ANKS1B: variants seen among roughly 807,000 people sequenced by gnomAD.
The protein encoded by ANKS1B is ankyrin repeat and sterile alpha motif domain-containing protein 1B.
A neutral mutation model predicts 148.3 loss-of-function variants in ANKS1B; 36 were observed. That is an observed-to-expected ratio of 0.24 (90% CI 0.19 to 0.32). The LOEUF (loss-of-function observed/expected upper bound fraction) is 0.32. ANKS1B is among the 10% of genes least tolerant of loss of function. The probability of loss-of-function intolerance (pLI) is 1.00; values close to 1 mark genes in which losing one functional copy is unlikely to be tolerated. For synonymous variants in ANKS1B, 542 were observed against 560.8 expected, an observed-to-expected ratio of 0.97 and a Z score of 0.47; for missense variants, 1,157 against 1,542.6, an observed-to-expected ratio of 0.75 and a Z score of 4.19.
intron 12 of ANKS1B, among the ~76,000 whole-genome samples, chr12:99,346,234 A>G (rs1009201265): frequency 1.3e-5 from 2 of 151,842 alleles, no homozygotes; most frequent in African/African-American, 4.8e-5. Flanking sequence ...AGCTTATAGG[A>G]TTTCTACATT....
chr12:99,327,542 T>A (rs527870953), intron 12 of ANKS1B, among the ~76,000 whole-genome samples: 22 of 145,908 alleles, frequency 1.5e-4, no homozygotes, highest in African/African-American at 5.5e-4. Context: ...TCATACAATG[T>A]TGAAATTGCT....
chr12:98,868,367 G>A (rs2099636269), intron 17 of ANKS1B, among the ~76,000 whole-genome samples: 2 of 152,178 alleles, frequency 1.3e-5, no homozygotes, highest in African/African-American at 4.8e-5. Context: ...TCTGGAGGTG[G>A]AAGAATCCAT....
At chr12:99,696,827 A>G (rs1004384169) in intron 8 of ANKS1B, among the ~76,000 whole-genome samples, 1 of 152,238 alleles carries the variant, frequency 6.6e-6, no homozygotes, top group Admixed American at 6.5e-5. Context: ...GGCAAAACAC[A>G]TATCTGATAA....
chr12:98,816,212 C>G (rs2099138603), intron 19 of ANKS1B, among the ~76,000 whole-genome samples: 1 of 152,174 alleles, frequency 6.6e-6, no homozygotes, highest in Non-Finnish European at 1.5e-5. Flanking sequence ...TTCAGAGAAG[C>G]CTTCCCTAGG....
At chr12:99,551,206 C>T (rs1374009610) in intron 9 of ANKS1B, among the ~76,000 whole-genome samples, 5 of 152,124 alleles carry the variant, frequency 3.3e-5, no homozygotes, top group South Asian at 2.1e-4. Flanking sequence ...TTATTTCTCA[C>T]CGTTTCTACT....
intron 17 of ANKS1B, among the ~76,000 whole-genome samples, chr12:98,885,938 C>T (rs2152563738): frequency 6.6e-6 from 1 of 152,018 alleles, no homozygotes; most frequent in East Asian, 1.9e-4. Flanking sequence ...GGGAAAGCTG[C>T]CCAGGCACCA....
At chr12:99,052,035 T>C (rs192895287) in intron 17 of ANKS1B, among the ~76,000 whole-genome samples, 1 of 152,354 alleles carries the variant, frequency 6.6e-6, no homozygotes, top group East Asian at 1.9e-4. Context: ...TCATTTACTA[T>C]AAAACTAAAA....
chr12:99,931,958 CTCTTA>C, intron 1 of ANKS1B, among the ~76,000 whole-genome samples: 1 of 152,242 alleles, frequency 6.6e-6, no homozygotes, highest in South Asian at 2.1e-4. Context: ...TCATCCTACT[CTCTTA>C]TATTCATGAG....
intron 9 of ANKS1B, among the ~76,000 whole-genome samples, chr12:99,515,785 G>A (rs2096813303): frequency 6.6e-6 from 1 of 151,962 alleles, no homozygotes; most frequent in African/African-American, 2.4e-5. Flanking sequence ...CACCAACAGT[G>A]TACCATGGTT....
intron 17 of ANKS1B, among the ~76,000 whole-genome samples, chr12:98,946,104 A>G (rs2099845111): frequency 6.6e-6 from 1 of 152,194 alleles, no homozygotes; most frequent in African/African-American, 2.4e-5. Flanking sequence ...TTCCCCTGGC[A>G]ACCAAGACTG....
At chr12:99,021,808 T>C (rs1217221841) in intron 17 of ANKS1B, among the ~76,000 whole-genome samples, 1 of 152,202 alleles carries the variant, frequency 6.6e-6, no homozygotes, top group Non-Finnish European at 1.5e-5. Context: ...CTTTGGCACA[T>C]TCTAACTTGG....
At chr12:99,335,195 TA>T (rs1566915536) in intron 12 of ANKS1B, among the ~76,000 whole-genome samples, 1 of 152,054 alleles carries the variant, frequency 6.6e-6, no homozygotes, top group African/African-American at 2.4e-5. Flanking sequence ...TTTAAGCTTT[TA>T]AAATTTTTTT....
chr12:99,025,496 C>T (rs1270232177), intron 17 of ANKS1B, among the ~76,000 whole-genome samples: 1 of 152,168 alleles, frequency 6.6e-6, no homozygotes, highest in Non-Finnish European at 1.5e-5. Context: ...AATTGGGGAA[C>T]TGGTTAAGAA....
chr12:98,750,732 C>T (rs78014929), intron 26 of ANKS1B, among the ~76,000 whole-genome samples: 68 of 152,286 alleles, frequency 4.5e-4, no homozygotes, highest in African/African-American at 1.6e-3. Context: ...CCTGTTGGGA[C>T]AGGATGTCTG....
Position 99,455,323 on chromosome 12 carries a change from A to T in ANKS1B, c.1439-11514T>A, listed in dbSNP as rs553999207. ...AGGGGGAAAAAGGTGGATAGGAGGCAGGACTAACTTGCAGCTGCCACTCAG... is the reference window on the plus strand; with the variant it reads ...AGGGGGAAAAAGGTGGATAGGAGGCTGGACTAACTTGCAGCTGCCACTCAG... On this transcript the variant is annotated intron_variant, in intron 10 of 26. Transcript: ENST00000683438. Among the ~76,000 whole-genome samples the T allele has an allele frequency of 4.6e-5, 7 of 152,320 alleles. No homozygotes were observed. The South Asian group carries it at 1.4e-3, about 32-fold the overall frequency.
At chr12:99,576,948 G>A (rs1304747746) in intron 9 of ANKS1B, among the ~76,000 whole-genome samples, 1 of 151,778 alleles carries the variant, frequency 6.6e-6, no homozygotes, top group African/African-American at 2.4e-5. Flanking sequence ...AGTGTCTACT[G>A]TTGACATAAG....
intron 17 of ANKS1B, among the ~76,000 whole-genome samples, chr12:98,910,169 T>C (rs1471560742): frequency 6.6e-6 from 1 of 152,212 alleles, no homozygotes; most frequent in Non-Finnish European, 1.5e-5. Flanking sequence ...AAAGGAAATA[T>C]AGTTTTGCTT....
At chr12:98,975,087 C>A (rs2099891319) in intron 17 of ANKS1B, among the ~76,000 whole-genome samples, 1 of 134,208 alleles carries the variant, frequency 7.5e-6, no homozygotes, top group Non-Finnish European at 1.5e-5. Context: ...TCCCTCCTTC[C>A]CTACTTCCCT....
chr12:98,865,173 A>G (rs541372708), intron 17 of ANKS1B, among the ~76,000 whole-genome samples: 1 of 151,896 alleles, frequency 6.6e-6, no homozygotes, highest in East Asian at 1.9e-4. Context: ...ACTCTCTACC[A>G]CCCCAAATCT....
Sources: allele counts gnomAD v4.1 joint callset (sites outside exome capture counted in the v4.1 genomes callset), GRCh38; gene constraint gnomAD v4.1.1; transcripts MANE v1.5; gene names NCBI Gene and HGNC (gene_info 2026-07-23, HGNC 2026-07-21).